The following OPCML variants were observed in gnomAD, a reference collection of about 807,000 sequenced individuals.
OPCML encodes the protein opioid-binding protein/cell adhesion molecule.
A neutral mutation model predicts 37.8 loss-of-function variants in OPCML; 13 were observed. The ratio of observed to expected loss-of-function variants is 0.34; its 90% CI spans 0.22 to 0.55. The LOEUF (loss-of-function observed/expected upper bound fraction) is 0.55. OPCML is among the 20% of genes least tolerant of loss of function. The pLI, the probability that OPCML is intolerant of heterozygous loss-of-function variation, is 0.91. For synonymous variants in OPCML, 176 were observed against 168.8 expected, an observed-to-expected ratio of 1.04 and a Z score of -0.33; for missense variants, 341 against 435.6, an observed-to-expected ratio of 0.78 and a Z score of 1.93.
At chr11:133,219,364 C>A (rs150322625) in intron 1 of OPCML, among the ~76,000 whole-genome samples, 2,836 of 152,326 alleles carry the variant, frequency 0.019, 59 homozygotes, top group Admixed American at 0.056. Flanking sequence ...TTCCAGGACA[C>A]TAGCCACCAC....
At chr11:132,724,450 T>C (rs570756640) in intron 2 of OPCML, among the ~76,000 whole-genome samples, 410 of 152,264 alleles carry the variant, frequency 2.7e-3, no homozygotes, top group Non-Finnish European at 4.8e-3. Flanking sequence ...CCTGCCCCCA[T>C]GATTCAATTA....
chr11:133,461,279 A>T (rs1946852560), intron 1 of OPCML, among the ~76,000 whole-genome samples: 1 of 151,918 alleles, frequency 6.6e-6, no homozygotes, highest in South Asian at 2.1e-4. Context: ...GGAAGAAGTA[A>T]AATTATCTTT....
intron 2 of OPCML, among the ~76,000 whole-genome samples, chr11:132,681,038 G>T (rs1398975921): frequency 6.6e-6 from 1 of 152,226 alleles, no homozygotes; most frequent in African/African-American, 2.4e-5. Flanking sequence ...GCAGGCGGGG[G>T]TTGCCTTCCT....
intron 3 of OPCML, among the ~76,000 whole-genome samples, chr11:132,651,313 T>A (rs1411527441): frequency 6.6e-6 from 1 of 152,222 alleles, no homozygotes; most frequent in Non-Finnish European, 1.5e-5. Context: ...AGTCTCTGAA[T>A]CTCACTTTCT....
intron 2 of OPCML, among the ~76,000 whole-genome samples, chr11:132,799,314 T>C (rs1161563351): frequency 6.6e-6 from 1 of 152,206 alleles, no homozygotes; most frequent in Non-Finnish European, 1.5e-5. Context: ...TCCTTCACCT[T>C]GCACATTTAT....
chr11:133,347,959 A>G (rs1420261672), intron 1 of OPCML, among the ~76,000 whole-genome samples: 1 of 152,226 alleles, frequency 6.6e-6, no homozygotes, highest in Non-Finnish European at 1.5e-5. Flanking sequence ...ATGACAATCC[A>G]TATCAAAAGC....
intron 1 of OPCML, among the ~76,000 whole-genome samples, chr11:133,054,993 C>G (rs1467284024): frequency 6.7e-6 from 1 of 148,170 alleles, no homozygotes; most frequent in Non-Finnish European, 1.5e-5. Flanking sequence ...TACAATGCTG[C>G]CTCCATGATA....
intron 1 of OPCML, among the ~76,000 whole-genome samples, chr11:133,417,688 T>C (rs1331048990): frequency 6.7e-6 from 1 of 148,450 alleles, no homozygotes; most frequent in Non-Finnish European, 1.5e-5. Flanking sequence ...CCTGTGTCCA[T>C]GTGTTCTCAT....
chr11:132,430,946 G>T (rs2095994772), intron 7 of OPCML, among the ~76,000 whole-genome samples: 1 of 152,096 alleles, frequency 6.6e-6, no homozygotes, highest in Non-Finnish European at 1.5e-5. Flanking sequence ...GCCCAGAGGG[G>T]ACAAAGGGGG....
intron 1 of OPCML, among the ~76,000 whole-genome samples, chr11:133,528,187 C>CTGAAA (rs1226159608): frequency 1.3e-5 from 2 of 152,374 alleles, no homozygotes; most frequent in East Asian, 3.9e-4. Context: ...TTCCAGGCTA[C>CTGAAA]TGAAAAAGCC....
intron 4 of OPCML, among the ~76,000 whole-genome samples, chr11:132,512,839 T>C (rs1008699364): frequency 6.6e-6 from 1 of 151,868 alleles, no homozygotes. Flanking sequence ...AAAGTGGGGA[T>C]AGGTTTTGGG....
Position 133,125,928 on chromosome 11 carries a change from T to G in OPCML, c.62-182918A>C, listed in dbSNP as rs917282789. On this transcript the variant is annotated intron_variant, in intron 1 of 7. Transcript: ENST00000524381. ...TATATAGACACACGTATATAGTATA[T>G]ACACATGTATATATAGACACATGTA... Among the ~76,000 whole-genome samples, 4 of 149,152 alleles carry G rather than the reference T, an allele frequency of 2.7e-5. No individual in the cohort carries two copies. In the South Asian group the frequency reaches 8.4e-4, roughly 31 times the overall value.
chr11:132,550,320 G>A (rs995540715), intron 3 of OPCML, among the ~76,000 whole-genome samples: 2 of 152,186 alleles, frequency 1.3e-5, no homozygotes, highest in South Asian at 4.1e-4. Flanking sequence ...GATCATGGGG[G>A]TGGATTTCTC....
chr11:132,774,288 ACTT>A (rs758144078), intron 2 of OPCML, among the ~76,000 whole-genome samples: 6 of 152,112 alleles, frequency 3.9e-5, no homozygotes, highest in South Asian at 2.1e-4. Context: ...AATAATTCCC[ACTT>A]CTTCTTAACT....
intron 1 of OPCML, among the ~76,000 whole-genome samples, chr11:133,059,650 T>C (rs888922948): frequency 3.3e-5 from 5 of 152,230 alleles, no homozygotes; most frequent in Non-Finnish European, 7.3e-5. Context: ...CCTGGTGAGA[T>C]GGAAGGGTCA....
At chr11:133,015,399 G>GGAAGGAAGGAAGGAAGGAAT (rs1947307228) in intron 1 of OPCML, among the ~76,000 whole-genome samples, 2 of 70,160 alleles carry the variant, frequency 2.9e-5, no homozygotes, top group African/African-American at 7.1e-5. Context: ...AAGGAATGAA[G>GGAAGGAAGGAAGGAAGGAAT]GAAGGAAGGA....
intron 1 of OPCML, among the ~76,000 whole-genome samples, chr11:133,402,510 C>G (rs1389089076): frequency 6.6e-6 from 1 of 152,142 alleles, no homozygotes; most frequent in African/African-American, 2.4e-5. Context: ...TATAGATGAT[C>G]AGGATGATCA....
At chr11:133,491,093 A>T (rs1382462998) in intron 1 of OPCML, among the ~76,000 whole-genome samples, 3 of 152,180 alleles carry the variant, frequency 2.0e-5, no homozygotes, top group Non-Finnish European at 4.4e-5. Context: ...AGCAGTGTGA[A>T]ATTCTATGGG....
chr11:133,207,482 C>A (rs1380504842), intron 1 of OPCML, among the ~76,000 whole-genome samples: 1 of 152,092 alleles, frequency 6.6e-6, no homozygotes, highest in Non-Finnish European at 1.5e-5. Context: ...AACTGTCATA[C>A]CGTGATTCTA....
Sources: gnomAD v4.1 joint callset for allele counts (sites outside exome capture counted in the v4.1 genomes callset) on GRCh38, gnomAD v4.1.1 for gene constraint, MANE v1.5 for transcripts, NCBI Gene and HGNC (gene_info 2026-07-23, HGNC 2026-07-21) for gene names.